NUDT2: variants seen among roughly 807,000 people sequenced by gnomAD.
NUDT2 encodes nudix hydrolase 2.
Under a neutral mutation model 14.2 loss-of-function variants are expected in NUDT2, and 12 were observed. That is an observed-to-expected ratio of 0.84 (90% CI 0.54 to 1.37). NUDT2 has a LOEUF of 1.37. Ranked by LOEUF, NUDT2 falls within the 40% of genes most tolerant of loss-of-function variation. NUDT2 has a pLI of 0.00. For synonymous variants in NUDT2, 67 were observed against 67.4 expected, an observed-to-expected ratio of 0.99 and a Z score of 0.03; for missense variants, 167 against 176.7, an observed-to-expected ratio of 0.95 and a Z score of 0.31.
intron 1 of NUDT2, among the ~76,000 whole-genome samples, chr9:34,332,364 T>C (rs904715065): frequency 6.6e-6 from 1 of 152,200 alleles, no homozygotes; most frequent in Admixed American, 6.5e-5. Flanking sequence ...TGCCTTTCCA[T>C]CTTACGTTGC....
intron 4 of NUDT2, 96 bp downstream of exon 4, chr9:34,339,262 G>A (rs941998948): frequency 1.3e-6 from 2 of 1,482,462 alleles, no homozygotes; most frequent in East Asian, 2.3e-5. Flanking sequence ...CCCAGTGACT[G>A]TGTAGCAAAA....
At chr9:34,339,712 G>A (rs1366650641) in intron 4 of NUDT2, among the ~76,000 whole-genome samples, 1 of 152,016 alleles carries the variant, frequency 6.6e-6, no homozygotes, top group Non-Finnish European at 1.5e-5. Flanking sequence ...GTGTGGTGGT[G>A]CACACCTGTA....
chr9:34,331,794 A>G (rs983686678), intron 1 of NUDT2, among the ~76,000 whole-genome samples: 1 of 152,252 alleles, frequency 6.6e-6, no homozygotes, highest in Non-Finnish European at 1.5e-5. Flanking sequence ...GATAGACTAT[A>G]GCACTTCAAA....
intron 4 of NUDT2, among the ~76,000 whole-genome samples, chr9:34,340,757 A>G (rs555307379): frequency 6.6e-6 from 1 of 152,370 alleles, no homozygotes; most frequent in South Asian, 2.1e-4. Flanking sequence ...TGGGAGGGAC[A>G]GACTGTGGCT....
At chr9:34,339,293 C>A in intron 4 of NUDT2, 127 bp downstream of exon 4, 1 of 1,130,992 alleles carries the variant, frequency 8.8e-7, no homozygotes, top group Admixed American at 2.3e-5. Context: ...AAGGTAGGAG[C>A]TCTTGACCCT....
intron 1 of NUDT2, among the ~76,000 whole-genome samples, chr9:34,330,616 A>G (rs749653167): frequency 5.9e-5 from 9 of 152,218 alleles, no homozygotes; most frequent in Non-Finnish European, 1.2e-4. Context: ...GATTAAGTGA[A>G]ATAATGAAGG....
intron 4 of NUDT2, among the ~76,000 whole-genome samples, chr9:34,339,791 C>T (rs1000371309): frequency 1.3e-5 from 2 of 151,918 alleles, no homozygotes; most frequent in African/African-American, 2.4e-5. Flanking sequence ...TGCAGTGAGC[C>T]GAGATTGTGC....
In NUDT2 at chr9:34,343,368, G is replaced by A. The variant is rs139419109; in HGVS notation, c.372G>A (p.Gln124=). 6.2e-7 allele frequency: 1 copy of A among 1,614,098 alleles called. No homozygotes were observed. The highest frequency in any genetic ancestry group is 8.5e-7 in the Non-Finnish European group (1 of 1,179,984). The part of the protein sequence containing the change: ...YRWLGLEEAC[Q]LAQFKEMKAA... ...GGCTGGGGCTGGAGGAGGCCTGCCAGTTGGCTCAGTTCAAGGAGATGAAGG... is the reference window on the plus strand; with the variant it reads ...GGCTGGGGCTGGAGGAGGCCTGCCAATTGGCTCAGTTCAAGGAGATGAAGG... Residue 124 remains glutamine, a synonymous_variant, in exon 5 of 5, where the codon CAG becomes CAA. Coordinates refer to ENST00000379158, the MANE Select transcript of NUDT2 (RefSeq NM_001161.5).
chr9:34,332,357 C>T (rs1299369639), intron 1 of NUDT2, among the ~76,000 whole-genome samples: 1 of 152,180 alleles, frequency 6.6e-6, no homozygotes, highest in Non-Finnish European at 1.5e-5. Flanking sequence ...TCTTTGCTGC[C>T]TTTCCATCTT....
chr9:34,336,438 T>C (rs1838089648), intron 2 of NUDT2, 97 bp downstream of exon 2: 1 of 152,218 alleles, frequency 6.6e-6, no homozygotes, highest in Non-Finnish European at 1.5e-5. Flanking sequence ...ATTTGTAAAC[T>C]CAAACAGGGA....
chr9:34,336,025 T>C (rs1838080008), intron 1 of NUDT2, among the ~76,000 whole-genome samples: 2 of 152,074 alleles, frequency 1.3e-5, no homozygotes, highest in South Asian at 4.1e-4. Flanking sequence ...CCTAAGCTTA[T>C]TTAGGGGTTC....
At chr9:34,340,951 A>G (rs7848667) in intron 4 of NUDT2, among the ~76,000 whole-genome samples, 33,966 of 152,076 alleles carry the variant, frequency 0.22, 4,508 homozygotes, top group East Asian at 0.61. Context: ...TGCTGGGATT[A>G]TAGGCATGAG....
At chr9:34,334,423 C>T (rs1838034152) in intron 1 of NUDT2, among the ~76,000 whole-genome samples, 1 of 152,174 alleles carries the variant, frequency 6.6e-6, no homozygotes, top group Non-Finnish European at 1.5e-5. Flanking sequence ...GGCATATTTG[C>T]ATATTGGATG....
chr9:34,338,847 GGTCAGTC>G lies in NUDT2; in HGVS notation c.-17+1_-17+7del. The stretch of plus-strand genomic sequence containing the variant: ...CCAGGGTCCTGCAGTTATACACAAA[GGTCAGTC>G]TCTGATTCCTGGATGCCTTCCATTG... On this transcript the variant is annotated splice_donor_variant and splice_donor_5th_base_variant and intron_variant, in intron 3 of 4. Coordinates refer to ENST00000379158, the MANE Select transcript of NUDT2 (RefSeq NM_001161.5). LOFTEE classifies it low-confidence loss of function (5UTR_SPLICE). The G allele has an allele frequency of 2.0e-6, 1 of 499,240 alleles. No homozygotes were observed. Among genetic ancestry groups the G allele is most frequent in the Non-Finnish European group, 3.6e-6 (1 of 276,778 alleles). The allele number at this position is 499,240 out of a possible 1,614,324, so 30.9% of individuals were successfully genotyped here.
At chr9:34,340,734 GGATGGTTTGA>G (rs1820164418) in intron 4 of NUDT2, among the ~76,000 whole-genome samples, 1 of 152,220 alleles carries the variant, frequency 6.6e-6, no homozygotes, top group East Asian at 1.9e-4. Context: ...GAGGCCATTG[GGATGGTTTGA>G]GTTGGGAGGG....
Position 34,339,079 on chromosome 9 carries a change from T to C in NUDT2, c.40T>C (p.Cys14Arg). Reference protein sequence around the residue: ...RACGLIIFRRCLIPKVDNNAI... With the variant: ...RACGLIIFRRRLIPKVDNNAI... The stretch of plus-strand genomic sequence containing the variant: ...ATGTGGCTTGATCATCTTCCGAAGA[T>C]GCCTCATTCCCAAAGTGGACAACAA... The change falls in exon 4 of 5, where the codon TGC becomes CGC. Residue 14 changes from cysteine (C) to arginine (R), a missense_variant. Physicochemically the swap from Cys to Arg is radical, Grantham distance 180 (BLOSUM62 -3). Transcript: ENST00000379158. 6.2e-7 allele frequency: 1 copy of C among 1,614,142 alleles called. No homozygotes were observed. The highest frequency in any genetic ancestry group is 8.5e-7 in the Non-Finnish European group (1 of 1,179,950).
chr9:34,333,689 A>T lies in NUDT2; in HGVS notation c.-264-2540A>T, dbSNP rs76229035. Among the ~76,000 whole-genome samples the T allele has an allele frequency of 2.3e-4, 34 of 150,286 alleles. No homozygotes were observed. The East Asian group carries it at 6.3e-3, about 28-fold the overall frequency. On this transcript the variant is annotated intron_variant, in intron 1 of 4. Coordinates refer to ENST00000379158, the MANE Select transcript of NUDT2 (RefSeq NM_001161.5). The stretch of plus-strand genomic sequence containing the variant: ...AAAAAAAAAGGACTGGGAATTTTGA[A>T]ACTGGAAATGATTTTATAAATCTTG...
intron 2 of NUDT2, 27 bp from the exon 3 acceptor site, chr9:34,338,686 C>A (rs1838160346): frequency 5.9e-6 from 1 of 170,690 alleles, no homozygotes; most frequent in South Asian, 1.6e-4. Context: ...TGCCTCTCTC[C>A]CATTCCCAAC....
chr9:34,331,682 T>C (rs1464740475), intron 1 of NUDT2, among the ~76,000 whole-genome samples: 1 of 152,192 alleles, frequency 6.6e-6, no homozygotes, highest in African/African-American at 2.4e-5. Context: ...AAAATTGTTT[T>C]AATAAAAATA....
Sources: allele counts gnomAD v4.1 joint callset (sites outside exome capture counted in the v4.1 genomes callset), GRCh38; gene constraint gnomAD v4.1.1; transcripts MANE v1.5; gene names NCBI Gene and HGNC (gene_info 2026-07-23, HGNC 2026-07-21).